Variants in KCNQ4 observed in about 807,000 individuals in gnomAD.
KCNQ4 encodes the protein potassium voltage-gated channel subfamily Q member 4, also known as potassium voltage-gated channel subfamily KQT member 4.
In KCNQ4, 31 loss-of-function variants were observed where a neutral mutation model predicts 72.6. The ratio of observed to expected loss-of-function variants is 0.43; its 90% CI spans 0.32 to 0.58. KCNQ4 has a LOEUF of 0.58. Ranked by LOEUF, KCNQ4 falls within the 20% of genes least tolerant of loss-of-function variation. The pLI, the probability that KCNQ4 is intolerant of heterozygous loss-of-function variation, is 0.08. For missense variants in KCNQ4, 869 were observed against 962.6 expected (o/e 0.90, Z 1.29); for synonymous variants, 405 against 403.7 (o/e 1.00, Z -0.04).
At chr1:40,815,501 G>A (rs1244747201) in intron 1 of KCNQ4, among the ~76,000 whole-genome samples, 1 of 152,184 alleles carries the variant, frequency 6.6e-6, no homozygotes, top group Non-Finnish European at 1.5e-5. Context: ...GGTACATGTG[G>A]CCGCTGCCTT....
At chr1:40,823,810 G>T (rs372587985) in intron 8 of KCNQ4, among the ~76,000 whole-genome samples, 3 of 152,226 alleles carry the variant, frequency 2.0e-5, no homozygotes, top group Non-Finnish European at 4.4e-5. Context: ...GGCACGGCAC[G>T]TTCAGGCAGT....
Position 40,838,373 on chromosome 1 carries a change from T to C in KCNQ4, c.1938T>C (p.Ser646=). The C allele has an allele frequency of 6.2e-7, 1 of 1,614,038 alleles. No homozygotes were observed. The highest frequency in any genetic ancestry group is 8.5e-7 in the Non-Finnish European group (1 of 1,179,942). ...LLGFYSRCLR[S]GTSASLGAVQ... is the part of the protein sequence containing the mutation. ...GCTTCTATTCGCGCTGCCTGCGCTC[T>C]GGCACCTCGGCCAGCCTGGGCGCCG... Residue 646 remains serine (S), a synonymous_variant, in exon 14 of 14, where the codon TCT becomes TCC. Transcript: ENST00000347132.
At position 40,819,347 on chromosome 1, in the gene KCNQ4, G is replaced by A; in HGVS notation, c.709G>A (p.Glu237Lys). ...LGSVVYAHSKELITAWYIGFL... is the reference protein window; with the variant it reads ...LGSVVYAHSKKLITAWYIGFL... The stretch of plus-strand genomic sequence containing the variant: ...CCGCGCCCCTCCGCCTGCCCCGCAG[G>A]AGCTGATCACCGCCTGGTACATCGG... Residue 237 changes from glutamate to lysine, a missense_variant and splice_region_variant, in exon 5 of 14, where the codon GAG (glutamate) becomes AAG (lysine). Coordinates refer to ENST00000347132, the MANE Select transcript of KCNQ4 (RefSeq NM_004700.4). 2 of 1,613,720 alleles carry A rather than the reference G, an allele frequency of 1.2e-6. No individual in the cohort carries two copies. Among genetic ancestry groups the A allele is most frequent in the South Asian group, 1.1e-5 (1 of 91,088 alleles).
intron 3 of KCNQ4, 83 bp downstream of exon 3, chr1:40,818,373 C>A: frequency 1.3e-6 from 2 of 1,596,850 alleles, no homozygotes. Flanking sequence ...GACTCTGACC[C>A]TGGAGACCCG....
intron 1 of KCNQ4, among the ~76,000 whole-genome samples, chr1:40,800,248 G>C (rs1647535622): frequency 6.6e-6 from 1 of 152,082 alleles, no homozygotes; most frequent in Non-Finnish European, 1.5e-5. Flanking sequence ...GGAGGGATGG[G>C]CCCAGTGTGG....
chr1:40,834,555 G>A (rs1389514178), intron 11 of KCNQ4, among the ~76,000 whole-genome samples: 1 of 151,364 alleles, frequency 6.6e-6, no homozygotes, highest in Admixed American at 6.6e-5. Flanking sequence ...GACCAGCCTG[G>A]GCAGCATAGT....
intron 1 of KCNQ4, among the ~76,000 whole-genome samples, chr1:40,793,960 T>A (rs527964880): frequency 3.5e-4 from 53 of 152,152 alleles, no homozygotes; most frequent in Non-Finnish European, 5.0e-4. Context: ...GAACTGGGTG[T>A]GTGGGGGTTG....
At chr1:40,796,655 G>T (rs1395287412) in intron 1 of KCNQ4, among the ~76,000 whole-genome samples, 1 of 152,110 alleles carries the variant, frequency 6.6e-6, no homozygotes, top group Non-Finnish European at 1.5e-5. Flanking sequence ...TGTGGCTCAC[G>T]CCTGTAATCC....
At chr1:40,808,954 C>T (rs752426213) in intron 1 of KCNQ4, among the ~76,000 whole-genome samples, 21 of 152,088 alleles carry the variant, frequency 1.4e-4, no homozygotes, top group Non-Finnish European at 2.4e-4. Context: ...CCTCACTGCC[C>T]CTCCCCTTTC....
At chr1:40,826,427 C>T (rs1228566204) in intron 9 of KCNQ4, among the ~76,000 whole-genome samples, 1 of 152,224 alleles carries the variant, frequency 6.6e-6, no homozygotes, top group Non-Finnish European at 1.5e-5. Context: ...AGAGACACAG[C>T]CTTCTGCATA....
intron 12 of KCNQ4, among the ~76,000 whole-genome samples, chr1:40,837,017 C>T (rs1648821163): frequency 2.0e-5 from 3 of 152,006 alleles, no homozygotes; most frequent in Non-Finnish European, 2.9e-5. Context: ...TTAAAAGTCA[C>T]ATTCCCACGT....
chr1:40,838,605 C>G lies in KCNQ4; in HGVS notation c.*82C>G. The G allele has an allele frequency of 7.8e-7, 1 of 1,284,474 alleles. No homozygotes were observed. Among genetic ancestry groups the G allele is most frequent in the Non-Finnish European group, 1.1e-6 (1 of 884,132 alleles). 79.6% of individuals were successfully genotyped at this position (1,284,474 alleles called of 1,614,324 possible). ...TGCCCTCTGAGGCCTCCGGACTCCT[C>G]TCGTACTTGAACTCACTCCCTCACG... On this transcript the variant is annotated 3_prime_UTR_variant, in exon 14 of 14. Coordinates refer to ENST00000347132, the MANE Select transcript of KCNQ4 (RefSeq NM_004700.4).
intron 1 of KCNQ4, among the ~76,000 whole-genome samples, chr1:40,813,896 C>T (rs55745605): frequency 0.011 from 1,681 of 151,122 alleles, 29 homozygotes; most frequent in African/African-American, 0.038. Flanking sequence ...TACAGGCATC[C>T]GCCAGCAAGC....
chr1:40,786,414 C>T (rs1647203478), intron 1 of KCNQ4, among the ~76,000 whole-genome samples: 1 of 152,240 alleles, frequency 6.6e-6, no homozygotes, highest in Admixed American at 6.5e-5. Context: ...AATCCACTGG[C>T]ACCTTTGCCC....
intron 1 of KCNQ4, among the ~76,000 whole-genome samples, chr1:40,798,968 A>G (rs1295084433): frequency 1.3e-5 from 2 of 152,220 alleles, no homozygotes; most frequent in Non-Finnish European, 2.9e-5. Flanking sequence ...CTGGTCATCT[A>G]ATGCCCTTCA....
At chr1:40,818,768 G>C (rs921740846) in intron 4 of KCNQ4, 88 bp downstream of exon 4, 7 of 1,415,236 alleles carry the variant, frequency 4.9e-6, no homozygotes, top group East Asian at 2.5e-5. Context: ...AGGTCAGAGG[G>C]GCTGTCTCCG....
chr1:40,831,314 C>CG lies in KCNQ4; in HGVS notation c.1513+16dup, dbSNP rs1648640772. 3.2e-6 allele frequency: 5 copies of CG among 1,579,928 alleles called. No individual in the cohort carries two copies. Among genetic ancestry groups the CG allele is most frequent in the Admixed American group, 1.8e-5 (1 of 54,490 alleles). On this transcript the variant is annotated intron_variant, in intron 10 of 13. Transcript: ENST00000347132. ...CGCACCTCTGCTGAGGGTAAGCCCC[C>CG]GGGGGGCTGAGTCCGATCGAGGGCC... is the stretch of plus-strand genomic sequence containing the variant.
At chr1:40,808,583 T>C (rs558019653) in intron 1 of KCNQ4, among the ~76,000 whole-genome samples, 13 of 152,136 alleles carry the variant, frequency 8.5e-5, no homozygotes, top group African/African-American at 3.1e-4. Flanking sequence ...CCCAGAGCAG[T>C]CCCCAGTGAG....
At chr1:40,787,615 G>T (rs991832221) in intron 1 of KCNQ4, among the ~76,000 whole-genome samples, 6 of 152,032 alleles carry the variant, frequency 3.9e-5, no homozygotes, top group African/African-American at 1.4e-4. Context: ...TCTCCTGTTG[G>T]GATCCAGAAT....
Sources: gnomAD v4.1 joint callset for allele counts (sites outside exome capture counted in the v4.1 genomes callset) on GRCh38, gnomAD v4.1.1 for gene constraint, MANE v1.5 for transcripts, NCBI Gene and HGNC (gene_info 2026-07-23, HGNC 2026-07-21) for gene names.